Variants in AFF2 observed in about 807,000 individuals in gnomAD.
The protein encoded by AFF2 is ALF transcription elongation factor 2.
AFF2 carries 14 observed loss-of-function variants against 76.9 expected under a neutral mutation model. That is an observed-to-expected ratio of 0.18 (90% CI 0.12 to 0.28). The LOEUF is 0.28. Ranked by LOEUF, AFF2 falls within the 10% of genes least tolerant of loss-of-function variation. AFF2 has a pLI of 1.00. For missense variants in AFF2, 868 were observed against 1,001.1 expected, an observed-to-expected ratio of 0.87 and a Z score of 1.79; for synonymous variants, 398 against 366.7, an observed-to-expected ratio of 1.09 and a Z score of -0.98.
At chrX:148,866,952 C>G (rs2070914617) in intron 7 of AFF2, among the ~76,000 whole-genome samples, 1 of 112,007 alleles carries the variant, frequency 8.9e-6, no homozygotes, top group Admixed American at 9.4e-5. Context: ...ATATCCAGAA[C>G]TAGATTCAAA....
Position 148,515,558 on chromosome X carries a change from A to AT in AFF2, c.47+14422dup, listed in dbSNP as rs1328689371. On this transcript the variant is annotated intron_variant, in intron 1 of 20. Transcript: ENST00000370460. ...ACAATTAAGGCCCTCTGTGAGATAC[A>AT]TTTTTTTTCATAATGATAGTCTCCC... Among the ~76,000 whole-genome samples, 25 of 111,359 alleles carry AT rather than the reference A, an allele frequency of 2.2e-4. 2 individuals carry two copies. The highest frequency in any genetic ancestry group is 2.0e-3 in the Admixed American group (21 of 10,477).
chrX:148,548,381 A>G (rs1205623208), intron 1 of AFF2, among the ~76,000 whole-genome samples: 1 of 112,221 alleles, frequency 8.9e-6, no homozygotes, highest in Non-Finnish European at 1.9e-5. Context: ...TGCAATGTCC[A>G]TCCATGTCTA....
At chrX:148,655,578 A>C (rs2054244107) in intron 2 of AFF2, among the ~76,000 whole-genome samples, 1 of 111,370 alleles carries the variant, frequency 9.0e-6, no homozygotes, top group Non-Finnish European at 1.9e-5. Flanking sequence ...CCTGGCCAAA[A>C]CCTTTGTTCT....
chrX:148,843,429 A>G lies in AFF2; in HGVS notation c.1258A>G (p.Lys420Glu). The G allele has an allele frequency of 8.3e-7, 1 of 1,208,417 alleles. No individual in the cohort carries two copies. Among genetic ancestry groups the G allele is most frequent in the Non-Finnish European group, 1.1e-6 (1 of 893,302 alleles). The change falls in exon 7 of 21, where the codon AAA becomes GAA. Residue 420 changes from lysine to glutamate, a missense_variant. Physicochemically the swap from Lys to Glu is moderately conservative, Grantham distance 56 (BLOSUM62 1). Around this residue, in one of 6 missense-constraint regions of AFF2, gnomAD observed 532 missense variants for 564.2 expected, o/e 0.94. Coordinates refer to ENST00000370460, the MANE Select transcript of AFF2 (RefSeq NM_002025.4). ...AGCTTCTACAAAGTCAGTGTCTTTC[A>G]AATCGTGAGTAGTTGGATCTCCAAA... is the stretch of plus-strand genomic sequence containing the variant. The part of the protein sequence containing the change: ...TRASTKSVSF[K>E]SMLEDDLKLS...
At chrX:148,949,118 C>A (rs1231999797) in intron 9 of AFF2, among the ~76,000 whole-genome samples, 1 of 110,758 alleles carries the variant, frequency 9.0e-6, no homozygotes, top group Admixed American at 9.7e-5. Context: ...CCTCTCCCCC[C>A]ATCCCCAACC....
chrX:148,880,083 A>G (rs1569556516), intron 7 of AFF2, among the ~76,000 whole-genome samples: 1 of 112,123 alleles, frequency 8.9e-6, no homozygotes, highest in Non-Finnish European at 1.9e-5. Context: ...GATCTTGGAG[A>G]TTTGTTCCTA....
intron 7 of AFF2, among the ~76,000 whole-genome samples, chrX:148,878,359 G>T (rs2071058378): frequency 1.8e-5 from 2 of 111,558 alleles, no homozygotes; most frequent in Non-Finnish European, 3.8e-5. Flanking sequence ...CTAGAATCTG[G>T]TCTCCACTAT....
At chrX:148,566,342 A>C (rs1404639482) in intron 1 of AFF2, among the ~76,000 whole-genome samples, 2 of 111,517 alleles carry the variant, frequency 1.8e-5, no homozygotes, top group Non-Finnish European at 3.8e-5. Context: ...ATTCAGAATT[A>C]AAGGAACAAA....
At chrX:148,607,284 C>G (rs782300651) in intron 1 of AFF2, among the ~76,000 whole-genome samples, 1 of 111,198 alleles carries the variant, frequency 9.0e-6, no homozygotes, top group African/African-American at 3.3e-5. Flanking sequence ...TTTGCTGTGT[C>G]CCCACCCAAA....
chrX:148,560,520 A>C (rs2053100035), intron 1 of AFF2, among the ~76,000 whole-genome samples: 1 of 112,387 alleles, frequency 8.9e-6, no homozygotes, highest in African/African-American at 3.2e-5. Flanking sequence ...AACAAAAGCC[A>C]AAATTGACAA....
intron 1 of AFF2, among the ~76,000 whole-genome samples, chrX:148,515,614 A>C (rs781802530): frequency 4.5e-5 from 5 of 112,243 alleles, no homozygotes; most frequent in Non-Finnish European, 9.4e-5. Context: ...AAATCATAAA[A>C]GCTATAACGA....
intron 3 of AFF2, among the ~76,000 whole-genome samples, chrX:148,720,753 G>T (rs1208442411): frequency 8.9e-6 from 1 of 111,999 alleles, no homozygotes; most frequent in Non-Finnish European, 1.9e-5. Flanking sequence ...TATTTACATT[G>T]TCAAGTAAGA....
In AFF2 at chrX:148,998,492, T is replaced by C. The variant is rs2072634329; in HGVS notation, c.*7160T>C. The C allele has an allele frequency of 1.8e-5, 2 of 112,671 alleles. No individual in the cohort carries two copies. Among genetic ancestry groups the C allele is most frequent in the South Asian group, 7.4e-4 (2 of 2,694 alleles). 9.3% of individuals were successfully genotyped at this position (112,671 alleles called of 1,213,427 possible). ...ATATAACTGCATTATTACATGGCAGTATAAATATTAGTCTGTTGAATTCAT... is the reference window on the plus strand; with the variant it reads ...ATATAACTGCATTATTACATGGCAGCATAAATATTAGTCTGTTGAATTCAT... On this transcript the variant is annotated 3_prime_UTR_variant, in exon 21 of 21. Transcript: ENST00000370460.
chrX:148,900,834 T>G (rs1438126277), intron 8 of AFF2, among the ~76,000 whole-genome samples: 1 of 112,267 alleles, frequency 8.9e-6, no homozygotes, highest in Non-Finnish European at 1.9e-5. Context: ...AAGCATTCTA[T>G]TCACTCCAGA....
At chrX:148,659,148 G>A (rs1416312149) in intron 2 of AFF2, among the ~76,000 whole-genome samples, 4 of 111,938 alleles carry the variant, frequency 3.6e-5, no homozygotes, top group African/African-American at 9.7e-5. Flanking sequence ...ACATTGGCCA[G>A]TTTAGAAATT....
intron 1 of AFF2, among the ~76,000 whole-genome samples, chrX:148,577,531 G>A (rs2053303885): frequency 8.9e-6 from 1 of 112,062 alleles, no homozygotes; most frequent in Admixed American, 9.5e-5. Flanking sequence ...GAAGTGATTA[G>A]TAATACCATT....
chrX:148,690,357 C>T, intron 3 of AFF2, among the ~76,000 whole-genome samples: 1 of 112,413 alleles, frequency 8.9e-6, no homozygotes, highest in East Asian at 2.8e-4. Context: ...ACAACCCGCT[C>T]TCTGGCAGTG....
chrX:148,887,953 A>G (rs934792798), intron 8 of AFF2, among the ~76,000 whole-genome samples: 8 of 112,690 alleles, frequency 7.1e-5, no homozygotes, highest in Admixed American at 2.8e-4. Context: ...AATACTAGCA[A>G]TGTTTGCAGA....
At chrX:148,525,500 C>T (rs28759101) in intron 1 of AFF2, among the ~76,000 whole-genome samples, 30,527 of 110,517 alleles carry the variant, frequency 0.28, 3,249 homozygotes, top group Non-Finnish European at 0.32. Flanking sequence ...TATCATTTAG[C>T]TTATCTATAT....
Sources: gnomAD v4.1 joint callset for allele counts (sites outside exome capture counted in the v4.1 genomes callset) on GRCh38, gnomAD v4.1.1 for gene constraint, gnomAD v4.1.1 regional missense constraint, MANE v1.5 for transcripts, NCBI Gene and HGNC (gene_info 2026-07-23, HGNC 2026-07-21) for gene names.